The following RGS20 variants were observed in gnomAD, a reference collection of about 807,000 sequenced individuals.
RGS20 encodes gz-selective GTPase-activating protein.
A neutral mutation model predicts 33.6 loss-of-function variants in RGS20; 30 were observed. The ratio of observed to expected loss-of-function variants is 0.89; its 90% CI spans 0.67 to 1.21. The LOEUF (loss-of-function observed/expected upper bound fraction) is 1.21, where lower values mean the gene tolerates loss of function less well. RGS20 is among the 50% of genes most tolerant of loss of function. RGS20 has a pLI of 0.00. For synonymous variants in RGS20, 208 were observed against 197.9 expected (o/e 1.05, Z -0.43); for missense variants, 472 against 502.4 (o/e 0.94, Z 0.58).
At chr8:53,924,486 A>C (rs78787087) in intron 2 of RGS20, among the ~76,000 whole-genome samples, 7,434 of 151,648 alleles carry the variant, frequency 0.049, 489 homozygotes, top group African/African-American at 0.15. Flanking sequence ...CCGTGCCTGG[A>C]CTAGTTTTTT....
At chr8:53,855,398 G>A (rs376792366) in intron 1 of RGS20, among the ~76,000 whole-genome samples, 9 of 152,244 alleles carry the variant, frequency 5.9e-5, no homozygotes, top group South Asian at 4.1e-4. Flanking sequence ...AATTATAGAC[G>A]TAGAGAACAT....
At chr8:53,858,699 C>T (rs1811738118) in intron 1 of RGS20, among the ~76,000 whole-genome samples, 1 of 151,872 alleles carries the variant, frequency 6.6e-6, no homozygotes. Flanking sequence ...CTGATTCACC[C>T]TGGAGGTTTT....
intron 2 of RGS20, among the ~76,000 whole-genome samples, chr8:53,914,381 C>A (rs1813427545): frequency 6.6e-6 from 1 of 152,018 alleles, no homozygotes; most frequent in South Asian, 2.1e-4. Flanking sequence ...ACTGTGGATT[C>A]CCCATTCTCT....
intron 1 of RGS20, among the ~76,000 whole-genome samples, chr8:53,874,213 T>A (rs962636278): frequency 6.6e-6 from 1 of 152,072 alleles, no homozygotes; most frequent in African/African-American, 2.4e-5. Flanking sequence ...TCTGCACCTG[T>A]AGAGTGACAT....
chr8:53,864,413 A>G (rs1811876218), intron 1 of RGS20, among the ~76,000 whole-genome samples: 1 of 147,716 alleles, frequency 6.8e-6, no homozygotes, highest in Non-Finnish European at 1.5e-5. Context: ...CAGCCTGGCG[A>G]TAGAGCAAGA....
At chr8:53,862,745 G>A (rs888988510) in intron 1 of RGS20, among the ~76,000 whole-genome samples, 1 of 152,188 alleles carries the variant, frequency 6.6e-6, no homozygotes, top group Non-Finnish European at 1.5e-5. Flanking sequence ...ACTGCAGTGA[G>A]CTATGATCAT....
chr8:53,914,591 A>G (rs943702505), intron 2 of RGS20: 6 of 152,200 alleles, frequency 3.9e-5, no homozygotes, highest in Non-Finnish European at 8.8e-5. Context: ...TTCTTCTCCT[A>G]TCACCACGTT....
chr8:53,877,950 G>A lies in RGS20; in HGVS notation c.166-1308G>A, dbSNP rs1423518048. On this transcript the variant is annotated intron_variant, in intron 1 of 5. Transcript: ENST00000297313. The surrounding 1 kb of genome is among the most constrained non-coding windows in gnomAD (Gnocchi z 5.7). ...GCCGGGCCTGGTGACTGCGGAGTGA[G>A]GGAACCGCGCCAGGCCCACGAGGCC... is the stretch of plus-strand genomic sequence containing the variant. 6.6e-6 allele frequency among the ~76,000 whole-genome samples: 1 copy of A among 152,186 alleles called. No homozygotes were observed. The highest frequency in any genetic ancestry group is 2.4e-5 in the African/African-American group (1 of 41,454).
intron 1 of RGS20, among the ~76,000 whole-genome samples, chr8:53,853,327 C>G (rs902537487): frequency 4.6e-5 from 7 of 152,152 alleles, no homozygotes; most frequent in South Asian, 2.1e-4. Flanking sequence ...AAGGTATGCT[C>G]TAAGTGGAAT....
chr8:53,912,142 C>T (rs1813362008), intron 2 of RGS20, among the ~76,000 whole-genome samples: 1 of 152,126 alleles, frequency 6.6e-6, no homozygotes, highest in Non-Finnish European at 1.5e-5. Flanking sequence ...TTATTGAGTG[C>T]TATGTGTTGC....
rs754926777 is a variant in RGS20, at chr8:53,950,827, T to C, written c.744-3249T>C. 9.6e-4 allele frequency among the ~76,000 whole-genome samples: 146 copies of C among 152,022 alleles called. 1 individual carries two copies. Among genetic ancestry groups the C allele is most frequent in the Non-Finnish European group, 1.0e-3 (70 of 67,962 alleles). On this transcript the variant is annotated intron_variant, in intron 4 of 5. Coordinates refer to ENST00000297313, the MANE Select transcript of RGS20 (RefSeq NM_170587.4). ...ACGGGGTTTCACCATGTTGCCCAGG[T>C]TGGTCTCAAACTCCTGAGCTCAAGT... is the stretch of plus-strand genomic sequence containing the variant.
At chr8:53,895,225 G>A (rs1205281706) in intron 2 of RGS20, among the ~76,000 whole-genome samples, 1 of 152,172 alleles carries the variant, frequency 6.6e-6, no homozygotes, top group Non-Finnish European at 1.5e-5. Context: ...GTGTGGCCAT[G>A]GAGAAGACAG....
intron 2 of RGS20, among the ~76,000 whole-genome samples, chr8:53,900,340 C>G (rs1812980326): frequency 6.6e-6 from 1 of 152,062 alleles, no homozygotes; most frequent in Admixed American, 6.6e-5. Flanking sequence ...CGGGGTCTCA[C>G]TATGTTGCCC....
At chr8:53,947,141 T>C (rs1390000381) in intron 4 of RGS20, among the ~76,000 whole-genome samples, 5 of 146,778 alleles carry the variant, frequency 3.4e-5, no homozygotes, top group Non-Finnish European at 3.0e-5. Flanking sequence ...ATGCTATATA[T>C]ATGATATAGT....
chr8:53,909,445 T>C (rs7846507), intron 2 of RGS20, among the ~76,000 whole-genome samples: 10,574 of 151,238 alleles, frequency 0.07, 1,138 homozygotes, highest in African/African-American at 0.23. Context: ...GAGACAGGGT[T>C]TCCCTATATT....
chr8:53,957,945 G>A (rs140316762), intron 5 of RGS20, among the ~76,000 whole-genome samples: 151 of 152,108 alleles, frequency 9.9e-4, no homozygotes, highest in East Asian at 2.3e-3. Context: ...TCAGGAGTTC[G>A]AAACCAACCA....
rs575691097 is a variant in RGS20, at chr8:53,901,725, T to C, written c.510+22123T>C. On this transcript the variant is annotated intron_variant, in intron 2 of 5. Transcript: ENST00000297313. ...TATGGAGACAGAGCTGGCACGCACC[T>C]GTAGTCCGAGCTACTTGGGAGGCTG... is the stretch of plus-strand genomic sequence containing the variant. 1.5e-4 allele frequency among the ~76,000 whole-genome samples: 23 copies of C among 152,316 alleles called. 1 individual carries two copies. Among genetic ancestry groups the C allele is most frequent in the Admixed American group, 1.2e-3 (18 of 15,300 alleles).
intron 2 of RGS20, among the ~76,000 whole-genome samples, chr8:53,916,252 C>T (rs898537287): frequency 6.6e-6 from 1 of 152,198 alleles, no homozygotes; most frequent in Non-Finnish European, 1.5e-5. Context: ...GAACTCCTGA[C>T]CTCCAGTGAT....
At chr8:53,946,277 G>A (rs979421546) in intron 3 of RGS20, among the ~76,000 whole-genome samples, 1 of 152,036 alleles carries the variant, frequency 6.6e-6, no homozygotes, top group African/African-American at 2.4e-5. Flanking sequence ...TGCCCAGGCT[G>A]GTCTTAAACT....
Sources: gnomAD v4.1 joint callset for allele counts (sites outside exome capture counted in the v4.1 genomes callset) on GRCh38, gnomAD v4.1.1 for gene constraint, Gnocchi (gnomAD v3.1) non-coding constraint, MANE v1.5 for transcripts, NCBI Gene and HGNC (gene_info 2026-07-23, HGNC 2026-07-21) for gene names.